ERO1A: variants seen among roughly 807,000 people sequenced by gnomAD.
ERO1A encodes ERO1-like protein alpha.
A neutral mutation model predicts 76.9 loss-of-function variants in ERO1A; 49 were observed. That is an observed-to-expected ratio of 0.64 (90% CI 0.51 to 0.81). The LOEUF (loss-of-function observed/expected upper bound fraction) is 0.81, where lower values mean the gene tolerates loss of function less well. Among genes scored for constraint, ERO1A ranks in the 30% least tolerant of loss-of-function variants. ERO1A has a pLI of 0.00. For synonymous variants in ERO1A, 174 were observed against 181.2 expected, an observed-to-expected ratio of 0.96 and a Z score of 0.32; for missense variants, 448 against 542.1, an observed-to-expected ratio of 0.83 and a Z score of 1.72.
rs982738264 is a variant in ERO1A at position 52,666,602 on chromosome 14, T to C, written c.509-107A>G. On this transcript the variant is annotated intron_variant, in intron 6 of 15. Transcript: ENST00000395686. ...TTCTAACGCACCACAAATATAACAA[T>C]GTGTCAGGAATTTTAAAACAACTTT... 8.6e-6 allele frequency: 9 copies of C among 1,044,534 alleles called. No individual in the cohort carries two copies. In the East Asian group the frequency reaches 1.4e-4, roughly 17 times the overall value. The allele number at this position is 1,044,534 out of a possible 1,614,324, so 64.7% of individuals were successfully genotyped here.
rs941780107 is a variant in ERO1A, at chr14:52,643,399, T to C, written c.*171A>G. 11 of 483,822 alleles carry C rather than the reference T, an allele frequency of 2.3e-5. No individual in the cohort carries two copies. Among genetic ancestry groups the C allele is most frequent in the Middle Eastern group, 4.6e-4 (1 of 2,154 alleles). The allele number at this position is 483,822 out of a possible 1,614,324, so 30.0% of individuals were successfully genotyped here. On this transcript the variant is annotated 3_prime_UTR_variant, in exon 16 of 16. Transcript: ENST00000395686. ...ACTCACAGTAGTATTATACATAGAC[T>C]TAACACAATTTTTAAAAATGTGTTT...
chr14:52,654,220 G>A (rs1448985570), intron 11 of ERO1A, among the ~76,000 whole-genome samples: 1 of 151,806 alleles, frequency 6.6e-6, no homozygotes, highest in Non-Finnish European at 1.5e-5. Flanking sequence ...TAATTTTCTT[G>A]TCTCTTATAA....
chr14:52,687,770 C>T (rs1201246021), intron 1 of ERO1A, among the ~76,000 whole-genome samples: 1 of 152,152 alleles, frequency 6.6e-6, no homozygotes, highest in East Asian at 1.9e-4. Flanking sequence ...CTCTAGGCTT[C>T]AAGTAATGAT....
At chr14:52,672,026 C>T (rs1210403272) in intron 4 of ERO1A, 155 bp from the exon 5 acceptor site, 1 of 593,228 alleles carries the variant, frequency 1.7e-6, no homozygotes, top group African/African-American at 1.9e-5. Flanking sequence ...ATAATCAGGC[C>T]AGGTACGGTG....
intron 13 of ERO1A, among the ~76,000 whole-genome samples, chr14:52,648,845 A>G (rs914921849): frequency 1.3e-4 from 20 of 152,228 alleles, no homozygotes; most frequent in African/African-American, 4.8e-4. Context: ...TGCTTACAAT[A>G]GCCAAATAAA....
intron 11 of ERO1A, among the ~76,000 whole-genome samples, chr14:52,654,172 T>C (rs906615856): frequency 1.3e-5 from 2 of 152,140 alleles, no homozygotes; most frequent in African/African-American, 4.8e-5. Flanking sequence ...CCATGAACAT[T>C]TTCTGTTTTT....
At chr14:52,695,247 T>G in intron 1 of ERO1A, 121 bp downstream of exon 1, 1 of 629,888 alleles carries the variant, frequency 1.6e-6, no homozygotes, top group Non-Finnish European at 2.3e-6. Context: ...CACCGGAGTC[T>G]CATTCCCGGT....
chr14:52,652,309 C>T lies in ERO1A; in HGVS notation c.1056-1G>A. The stretch of plus-strand genomic sequence containing the variant: ...CTCATCAAAATGCAAAGGAAATGAC[C>T]TGCGTTTTAAAACAGAGAATATTCA... On this transcript the variant is annotated splice_acceptor_variant, in intron 12 of 15. Transcript: ENST00000395686. LOFTEE classifies it high-confidence loss of function. 1.2e-6 allele frequency: 2 copies of T among 1,605,368 alleles called. No homozygotes were observed. Among genetic ancestry groups the T allele is most frequent in the Non-Finnish European group, 1.7e-6 (2 of 1,172,440 alleles).
intron 1 of ERO1A, among the ~76,000 whole-genome samples, chr14:52,689,914 T>C (rs1200002191): frequency 6.6e-6 from 1 of 152,222 alleles, no homozygotes; most frequent in Non-Finnish European, 1.5e-5. Context: ...AACAGTGTTG[T>C]ATCAGCATAG....
intron 1 of ERO1A, among the ~76,000 whole-genome samples, chr14:52,693,844 C>A (rs1194551695): frequency 6.6e-6 from 1 of 151,978 alleles, no homozygotes; most frequent in Non-Finnish European, 1.5e-5. Context: ...ACACAGATAG[C>A]CACTCTCGTT....
At chr14:52,659,143 T>C (rs1232244709) in intron 9 of ERO1A, among the ~76,000 whole-genome samples, 2 of 152,134 alleles carry the variant, frequency 1.3e-5, no homozygotes, top group African/African-American at 4.8e-5. Flanking sequence ...GATTAGATCC[T>C]AAATATATAA....
chr14:52,693,002 CTTTTTTTT>C lies in ERO1A; in HGVS notation c.114+2358_114+2365del, dbSNP rs559143853. On this transcript the variant is annotated intron_variant, in intron 1 of 15. Coordinates refer to ENST00000395686, the MANE Select transcript of ERO1A (RefSeq NM_014584.3). ...ATAGTCTCTGTTCTTAAATAGACAA[CTTTTTTTT>C]TTTTTTTTTTTTTTTTGCTTAGGCT... 2.5e-3 allele frequency among the ~76,000 whole-genome samples: 211 copies of C among 85,738 alleles called. 2 individuals are homozygous for C. The highest frequency in any genetic ancestry group is 7.6e-3 in the African/African-American group (165 of 21,672). The allele number at this position is 85,738 out of a possible 152,430, so 56.2% of individuals were successfully genotyped here.
At chr14:52,659,273 G>C (rs950216021) in intron 9 of ERO1A, among the ~76,000 whole-genome samples, 9 of 152,048 alleles carry the variant, frequency 5.9e-5, no homozygotes, top group Non-Finnish European at 1.2e-4. Context: ...AAATTGTTTG[G>C]TCTTACGGGC....
At chr14:52,687,815 A>G (rs1594836461) in intron 1 of ERO1A, among the ~76,000 whole-genome samples, 1 of 152,204 alleles carries the variant, frequency 6.6e-6, no homozygotes, top group Non-Finnish European at 1.5e-5. Context: ...ATAAGCAGAG[A>G]TAAGAAGGCC....
chr14:52,664,926 C>T (rs1042674976), intron 7 of ERO1A, among the ~76,000 whole-genome samples: 1 of 151,972 alleles, frequency 6.6e-6, no homozygotes, highest in Non-Finnish European at 1.5e-5. Flanking sequence ...CTCCTGACCT[C>T]GTGATCCGCC....
intron 4 of ERO1A, among the ~76,000 whole-genome samples, chr14:52,675,516 T>C (rs2040755811): frequency 6.6e-6 from 1 of 152,174 alleles, no homozygotes; most frequent in African/African-American, 2.4e-5. Flanking sequence ...AGTTATTTAG[T>C]CTAAATGAAA....
At chr14:52,675,617 G>A (rs1437044240) in intron 4 of ERO1A, among the ~76,000 whole-genome samples, 1 of 152,094 alleles carries the variant, frequency 6.6e-6, no homozygotes, top group Non-Finnish European at 1.5e-5. Flanking sequence ...AAAATAAGTA[G>A]TAATAATTGC....
chr14:52,664,935 C>T (rs575011221), intron 7 of ERO1A, among the ~76,000 whole-genome samples: 1 of 152,150 alleles, frequency 6.6e-6, no homozygotes, highest in Admixed American at 6.5e-5. Context: ...TCGTGATCCG[C>T]CCGCCTTGGC....
intron 13 of ERO1A, 62 bp downstream of exon 13, chr14:52,652,164 CTATGAGTACTATA>C: frequency 1.1e-6 from 1 of 923,404 alleles, no homozygotes; most frequent in Non-Finnish European, 1.7e-6. Context: ...CTCTCTACTT[CTATGAGTACTATA>C]TATTCATATC....
Sources: gnomAD v4.1 joint callset for allele counts (sites outside exome capture counted in the v4.1 genomes callset) on GRCh38, gnomAD v4.1.1 for gene constraint, MANE v1.5 for transcripts, NCBI Gene and HGNC (gene_info 2026-07-23, HGNC 2026-07-21) for gene names.